GRID1: variants seen among roughly 807,000 people sequenced by gnomAD.
GRID1 encodes the protein glutamate ionotropic receptor delta type subunit 1.
A neutral mutation model predicts 98.0 loss-of-function variants in GRID1; 28 were observed. The ratio of observed to expected loss-of-function variants is 0.29; its 90% CI spans 0.21 to 0.39. GRID1 has a LOEUF of 0.39. Among genes scored for constraint, GRID1 ranks in the 10% least tolerant of loss-of-function variants. The probability of loss-of-function intolerance (pLI) is 1.00; values close to 1 mark genes in which losing one functional copy is unlikely to be tolerated. For missense variants in GRID1, 1,111 were observed against 1,340.5 expected (o/e 0.83, Z 2.67); for synonymous variants, 553 against 538.5 (o/e 1.03, Z -0.37).
At chr10:86,039,638 C>T (rs1010187169) in intron 4 of GRID1, among the ~76,000 whole-genome samples, 13 of 152,278 alleles carry the variant, frequency 8.5e-5, no homozygotes, top group South Asian at 6.2e-4. Context: ...AGTAGAAGGG[C>T]GAGCTGAGGC....
At chr10:85,621,686 C>T (rs987468617) in intron 13 of GRID1, among the ~76,000 whole-genome samples, 1 of 152,128 alleles carries the variant, frequency 6.6e-6, no homozygotes, top group Non-Finnish European at 1.5e-5. Context: ...GGCTTCAGTC[C>T]TCAGCCAATC....
chr10:86,041,390 G>A (rs1379175328), intron 4 of GRID1, among the ~76,000 whole-genome samples: 1 of 152,216 alleles, frequency 6.6e-6, no homozygotes, highest in African/African-American at 2.4e-5. Context: ...TGTTTGAGCT[G>A]CAAGTGCATT....
At chr10:85,609,199 A>G (rs1590157281) in intron 15 of GRID1, among the ~76,000 whole-genome samples, 2 of 152,190 alleles carry the variant, frequency 1.3e-5, no homozygotes, top group Admixed American at 1.3e-4. Context: ...CACTTCTGAG[A>G]GGGATTTCAT....
intron 8 of GRID1, among the ~76,000 whole-genome samples, chr10:85,764,536 C>T (rs1346671216): frequency 6.6e-6 from 1 of 152,186 alleles, no homozygotes; most frequent in African/African-American, 2.4e-5. Context: ...AGGTGAACCC[C>T]GTGCCCTGCA....
In GRID1 at chr10:85,602,345, G is replaced by T; in HGVS notation, c.2958C>A (p.Pro986=). 6.3e-7 allele frequency: 1 copy of T among 1,584,904 alleles called. No homozygotes were observed. Among genetic ancestry groups the T allele is most frequent in the Non-Finnish European group, 8.6e-7 (1 of 1,163,234 alleles). ...CTCCAGGCACGGGCTGGAAGGACATGGGGATGGGGGTCTTCACCGGGCTCT... is the reference window on the plus strand; with the variant it reads ...CTCCAGGCACGGGCTGGAAGGACATTGGGATGGGGGTCTTCACCGGGCTCT... ...FRQSPVKTPI[P]MSFQPVPGGV... is the part of the protein sequence containing the mutation. The change falls in exon 16 of 16, where the codon CCC becomes CCA. Residue 986 remains proline (P), a synonymous_variant. Transcript: ENST00000327946.
At chr10:85,657,547 T>C (rs1315299718) in intron 12 of GRID1, among the ~76,000 whole-genome samples, 1 of 152,210 alleles carries the variant, frequency 6.6e-6, no homozygotes, top group Non-Finnish European at 1.5e-5. Context: ...AGATTTGATA[T>C]TCTGTTGGAA....
intron 4 of GRID1, among the ~76,000 whole-genome samples, chr10:86,118,331 G>A (rs1210861215): frequency 6.6e-6 from 1 of 152,030 alleles, no homozygotes; most frequent in African/African-American, 2.4e-5. Context: ...GGAGACTCGG[G>A]GGAAAGGGTG....
At chr10:86,215,451 G>A (rs971590972) in intron 2 of GRID1, among the ~76,000 whole-genome samples, 3 of 152,182 alleles carry the variant, frequency 2.0e-5, no homozygotes, top group Admixed American at 6.5e-5. Context: ...GATCATGCTC[G>A]CTTATTTATA....
At chr10:85,857,212 G>A (rs1224364219) in intron 6 of GRID1, among the ~76,000 whole-genome samples, 1 of 152,240 alleles carries the variant, frequency 6.6e-6, no homozygotes, top group East Asian at 1.9e-4. Flanking sequence ...CTTCTGCTTA[G>A]TTGTCTGATG....
chr10:86,235,926 A>G (rs1846530723), intron 2 of GRID1, among the ~76,000 whole-genome samples: 1 of 152,244 alleles, frequency 6.6e-6, no homozygotes, highest in Non-Finnish European at 1.5e-5. Flanking sequence ...GAATTGCTAA[A>G]TGATATGGTG....
chr10:86,139,466 G>A (rs574156867), intron 3 of GRID1, among the ~76,000 whole-genome samples: 40 of 152,270 alleles, frequency 2.6e-4, no homozygotes, highest in East Asian at 7.7e-4. Flanking sequence ...TGACTGGAGC[G>A]GGCCTGGCCT....
chr10:86,089,292 G>C (rs1844108887), intron 4 of GRID1, among the ~76,000 whole-genome samples: 1 of 152,132 alleles, frequency 6.6e-6, no homozygotes, highest in Non-Finnish European at 1.5e-5. Context: ...GCTTCAGTAG[G>C]GAGCCAGAAC....
At chr10:86,026,262 T>C (rs1273859713) in intron 4 of GRID1, among the ~76,000 whole-genome samples, 4 of 152,238 alleles carry the variant, frequency 2.6e-5, no homozygotes, top group Non-Finnish European at 4.4e-5. Flanking sequence ...ATGAGTAATA[T>C]CTGAAACACA....
At chr10:86,142,500 C>T (rs1034090625) in intron 3 of GRID1, among the ~76,000 whole-genome samples, 10 of 152,258 alleles carry the variant, frequency 6.6e-5, no homozygotes, top group African/African-American at 2.4e-4. Flanking sequence ...TTCCTTAGAA[C>T]ACCAGTGGTC....
chr10:86,299,462 T>A (rs1001126818), intron 2 of GRID1, among the ~76,000 whole-genome samples: 1 of 151,754 alleles, frequency 6.6e-6, no homozygotes, highest in Admixed American at 6.6e-5. Context: ...TAGGTATATC[T>A]CCTAATGCTA....
intron 2 of GRID1, among the ~76,000 whole-genome samples, chr10:86,290,951 C>T (rs1259809865): frequency 1.3e-5 from 2 of 152,150 alleles, no homozygotes; most frequent in African/African-American, 2.4e-5. Flanking sequence ...AGGAAGCGGC[C>T]CAGGGCAGCA....
chr10:86,126,745 G>A (rs1844760654), intron 4 of GRID1, among the ~76,000 whole-genome samples: 1 of 152,212 alleles, frequency 6.6e-6, no homozygotes, highest in Non-Finnish European at 1.5e-5. Flanking sequence ...TTCACAGGAA[G>A]TCCAAATTTC....
At chr10:85,769,641 G>A (rs3011705) in intron 8 of GRID1, among the ~76,000 whole-genome samples, 65,524 of 152,108 alleles carry the variant, frequency 0.43, 14,984 homozygotes, top group East Asian at 0.74. Flanking sequence ...CTTTTCCAAC[G>A]GGCTTAAAAA....
intron 4 of GRID1, among the ~76,000 whole-genome samples, chr10:85,925,279 A>G (rs891924299): frequency 1.6e-4 from 25 of 152,346 alleles, no homozygotes; most frequent in Middle Eastern, 3.4e-3. Flanking sequence ...CAGCTTTTCT[A>G]TCCGATCTTG....
Sources: gnomAD v4.1 joint callset for allele counts (sites outside exome capture counted in the v4.1 genomes callset) on GRCh38, gnomAD v4.1.1 for gene constraint, MANE v1.5 for transcripts, NCBI Gene and HGNC (gene_info 2026-07-23, HGNC 2026-07-21) for gene names.